Variants in LAIR2 observed in about 807,000 individuals in gnomAD.
LAIR2 encodes leukocyte-associated immunoglobulin-like receptor 2.
In LAIR2, 14 loss-of-function variants were observed where a neutral mutation model predicts 14.8. That is an observed-to-expected ratio of 0.95 (90% CI 0.62 to 1.48). The LOEUF (loss-of-function observed/expected upper bound fraction) is 1.48, where lower values mean the gene tolerates loss of function less well. Among genes scored for constraint, LAIR2 ranks in the 40% most tolerant of loss-of-function variants. The pLI is 0.00. For synonymous variants in LAIR2, 75 were observed against 74.5 expected (o/e 1.01, Z -0.03); for missense variants, 172 against 180.9 (o/e 0.95, Z 0.28).
At chr19:54,507,808 C>T (rs1212037526) in intron 2 of LAIR2, 83 bp from the exon 3 acceptor site, 2 of 1,382,456 alleles carry the variant, frequency 1.4e-6, no homozygotes, top group Admixed American at 2.0e-5. Flanking sequence ...GCTAAAATCC[C>T]TGAATTGTGA....
chr19:54,503,292 C>T (rs1292014931), intron 1 of LAIR2, among the ~76,000 whole-genome samples: 1 of 151,986 alleles, frequency 6.6e-6, no homozygotes, highest in East Asian at 1.9e-4. Context: ...GAAACTCCAT[C>T]TCTACTAATA....
chr19:54,505,769 T>G (rs2085354541), intron 2 of LAIR2, among the ~76,000 whole-genome samples: 2 of 151,960 alleles, frequency 1.3e-5, no homozygotes. Context: ...GTTCTTTCGC[T>G]TTCTCAAACA....
chr19:54,503,558 T>G lies in LAIR2; in HGVS notation c.35-142T>G, dbSNP rs1600092718. ...CCATTTTGCAGCAAGAAGGATTACA[T>G]GGAGACAGTGATGTCGAGGAGGGTT... On this transcript the variant is annotated intron_variant, in intron 1 of 4. Coordinates refer to ENST00000301202, the MANE Select transcript of LAIR2 (RefSeq NM_002288.6). The G allele has an allele frequency of 2.9e-5, 28 of 960,728 alleles. No individual in the cohort carries two copies. In the East Asian group the frequency reaches 7.1e-4, roughly 24 times the overall value. The allele number at this position is 960,728 out of a possible 1,614,324, so 59.5% of individuals were successfully genotyped here.
At chr19:54,507,804 A>C (rs2085390442) in intron 2 of LAIR2, 87 bp from the exon 3 acceptor site, 3 of 1,347,086 alleles carry the variant, frequency 2.2e-6, no homozygotes, top group Admixed American at 4.0e-5. Flanking sequence ...AATTGCTAAA[A>C]TCCCTGAATT....
intron 1 of LAIR2, among the ~76,000 whole-genome samples, chr19:54,503,182 C>G (rs1057488157): frequency 3.3e-5 from 5 of 151,434 alleles, no homozygotes; most frequent in South Asian, 2.1e-4. Context: ...GGCTGGGGGG[C>G]CAGGCGCGGT....
intron 2 of LAIR2, 106 bp from the exon 3 acceptor site, chr19:54,507,785 A>T: frequency 8.9e-7 from 1 of 1,119,704 alleles, no homozygotes; most frequent in East Asian, 2.4e-5. Context: ...TGGCTGCATA[A>T]CTCTATAAAA....
At position 54,502,918 on chromosome 19, in the gene LAIR2, C is replaced by T. The variant is rs2085300372; in HGVS notation, c.-1C>T. The T allele has an allele frequency of 6.2e-7, 1 of 1,613,978 alleles. No homozygotes were observed. The highest frequency in any genetic ancestry group is 8.5e-7 in the Non-Finnish European group (1 of 1,179,986). ...TGCTGCAGAGTTCTGGGACCGGGGC[C>T]ATGTCTCCACACCTCACTGCTCTCC... On this transcript the variant is annotated 5_prime_UTR_variant, in exon 1 of 5. Transcript: ENST00000301202.
intron 2 of LAIR2, among the ~76,000 whole-genome samples, chr19:54,505,934 T>C (rs368398683): frequency 6.6e-6 from 1 of 151,682 alleles, no homozygotes; most frequent in Non-Finnish European, 1.5e-5. Flanking sequence ...CAATTCTCCC[T>C]GCCTCAACCT....
chr19:54,504,207 G>A (rs1014026101), intron 2 of LAIR2, among the ~76,000 whole-genome samples: 2 of 150,500 alleles, frequency 1.3e-5, no homozygotes, highest in East Asian at 2.0e-4. Context: ...CTTATGATCC[G>A]CCCGCCTCAG....
At position 54,507,916 on chromosome 19, in the gene LAIR2, G is replaced by C. The variant is rs142699455; in HGVS notation, c.96G>C (p.Ser32=). Reference sequence around the variant, plus strand: ...GGGCCCTTCCCAGACCCTCCATCTCGGCTGAGCCAGGCACTGTGATCTCCC... The same window carrying C: ...GGGCCCTTCCCAGACCCTCCATCTCCGCTGAGCCAGGCACTGTGATCTCCC... ...QEGALPRPSI[S]AEPGTVISPG... The change falls in exon 3 of 5, where the codon TCG becomes TCC. Residue 32 remains serine, a synonymous_variant. Transcript: ENST00000301202. 3 of 1,614,072 alleles carry C rather than the reference G, an allele frequency of 1.9e-6. No individual in the cohort carries two copies. The highest frequency in any genetic ancestry group is 3.3e-5 in the Admixed American group (2 of 60,018).
intron 2 of LAIR2, among the ~76,000 whole-genome samples, chr19:54,504,817 C>T (rs376973691): frequency 1.1e-4 from 17 of 152,240 alleles, no homozygotes; most frequent in Non-Finnish European, 2.2e-4. Context: ...ACCATGTTGG[C>T]CAGGCTGGTC....
chr19:54,508,105 T>C lies in LAIR2; in HGVS notation c.285T>C (p.Asn95=), dbSNP rs1327290175. The change falls in exon 3 of 5, where the codon AAT becomes AAC. Residue 95 remains asparagine (N), a synonymous_variant. Coordinates refer to ENST00000301202, the MANE Select transcript of LAIR2 (RefSeq NM_002288.6). ...ACATTGACTCAGTAAGTGAAGGAAATGCCGGGCTTTATCGCTGCCTCTATT... is the reference window on the plus strand; with the variant it reads ...ACATTGACTCAGTAAGTGAAGGAAACGCCGGGCTTTATCGCTGCCTCTATT... ...RFHIDSVSEG[N]AGLYRCLYYK... 6 of 1,614,194 alleles carry C rather than the reference T, an allele frequency of 3.7e-6. No individual in the cohort carries two copies. The highest frequency in any genetic ancestry group is 5.1e-6 in the Non-Finnish European group (6 of 1,180,028).
chr19:54,506,653 C>T (rs561529097), intron 2 of LAIR2, among the ~76,000 whole-genome samples: 3 of 152,216 alleles, frequency 2.0e-5, no homozygotes, highest in African/African-American at 4.8e-5. Context: ...CCCTTCTAGA[C>T]GTCCACCTCC....
chr19:54,509,926 T>C (rs545792880), intron 4 of LAIR2, among the ~76,000 whole-genome samples: 2,311 of 150,402 alleles, frequency 0.015, 50 homozygotes, highest in African/African-American at 0.054. Flanking sequence ...CCTGGGTTTC[T>C]ATCCCCAGAG....
chr19:54,503,017 C>T, intron 1 of LAIR2, 65 bp downstream of exon 1: 1 of 1,461,854 alleles, frequency 6.8e-7, no homozygotes, highest in Non-Finnish European at 9.5e-7. Context: ...GTTCCCTGCT[C>T]AAGCCTGACT....
chr19:54,505,090 G>T (rs1405139630), intron 2 of LAIR2, among the ~76,000 whole-genome samples: 2 of 152,008 alleles, frequency 1.3e-5, no homozygotes, highest in Non-Finnish European at 2.9e-5. Context: ...CCATTCATTT[G>T]GTGGTGGTTA....
intron 2 of LAIR2, among the ~76,000 whole-genome samples, chr19:54,506,565 C>T (rs2085367716): frequency 6.6e-6 from 1 of 152,116 alleles, no homozygotes; most frequent in Admixed American, 6.6e-5. Context: ...CCCCTAGATC[C>T]CTGCACACTT....
At chr19:54,504,185 C>T (rs567607861) in intron 2 of LAIR2, among the ~76,000 whole-genome samples, 18 of 150,714 alleles carry the variant, frequency 1.2e-4, no homozygotes, top group Non-Finnish European at 2.2e-4. Flanking sequence ...AGGCTGGTCT[C>T]GAACTCCTTA....
Position 54,502,969 on chromosome 19 carries a change from G to GC in LAIR2, c.34+18dup, listed in dbSNP as rs2085302260. The GC allele has an allele frequency of 6.2e-7, 1 of 1,608,678 alleles. No individual in the cohort carries two copies. Among genetic ancestry groups the GC allele is most frequent in the Non-Finnish European group, 8.5e-7 (1 of 1,177,014 alleles). On this transcript the variant is annotated intron_variant, in intron 1 of 4. Transcript: ENST00000301202. Reference sequence around the variant, plus strand: ...TGGGCCTAGGTGAGTCCTGGAGGGAGCGGGAAGGACTGGAAAGGGGGTCGG... The same window carrying GC: ...TGGGCCTAGGTGAGTCCTGGAGGGAGCCGGGAAGGACTGGAAAGGGGGTCGG...
Sources: allele counts gnomAD v4.1 joint callset (sites outside exome capture counted in the v4.1 genomes callset), GRCh38; gene constraint gnomAD v4.1.1; transcripts MANE v1.5; gene names NCBI Gene and HGNC (gene_info 2026-07-23, HGNC 2026-07-21).